MYO5A: variants seen among roughly 807,000 people sequenced by gnomAD.
MYO5A encodes myosin VA.
A neutral mutation model predicts 249.7 loss-of-function variants in MYO5A; 98 were observed. The observed-to-expected ratio is 0.39, with a 90% CI of 0.33 to 0.46. The LOEUF (loss-of-function observed/expected upper bound fraction) is 0.46. MYO5A is among the 20% of genes least tolerant of loss of function. The pLI is 0.98. For synonymous variants in MYO5A, 778 were observed against 810.6 expected (o/e 0.96, Z 0.68); for missense variants, 1,696 against 2,308.8 (o/e 0.73, Z 5.44).
chr15:52,495,752 A>G (rs1393670513), intron 1 of MYO5A, among the ~76,000 whole-genome samples: 3 of 152,212 alleles, frequency 2.0e-5, no homozygotes, highest in Admixed American at 1.3e-4. Flanking sequence ...AGAAGGCATA[A>G]AGTCCTTGCA....
intron 29 of MYO5A, 29 bp from the exon 30 acceptor site, chr15:52,346,490 T>A (rs1394533278): frequency 2.9e-6 from 4 of 1,379,980 alleles, no homozygotes; most frequent in African/African-American, 2.8e-5. Flanking sequence ...ATTTACGCAT[T>A]AAGATTCAAC....
At chr15:52,503,701 CA>C (rs1289633818) in intron 1 of MYO5A, among the ~76,000 whole-genome samples, 1 of 151,934 alleles carries the variant, frequency 6.6e-6, no homozygotes, top group Non-Finnish European at 1.5e-5. Flanking sequence ...AAAACTGAAT[CA>C]AAAAAATTAA....
chr15:52,373,871 T>A (rs538854056), intron 20 of MYO5A, among the ~76,000 whole-genome samples: 1 of 152,294 alleles, frequency 6.6e-6, no homozygotes, highest in Admixed American at 6.5e-5. Context: ...CTGGAGTAGC[T>A]ATCTTCAAAA....
intron 36 of MYO5A, among the ~76,000 whole-genome samples, chr15:52,326,143 G>A (rs2038593387): frequency 6.6e-6 from 1 of 152,206 alleles, no homozygotes; most frequent in Admixed American, 6.5e-5. Context: ...ATTCAAAACT[G>A]GGATGTGAGA....
chr15:52,451,633 G>C (rs142801407), intron 1 of MYO5A, among the ~76,000 whole-genome samples: 1 of 152,118 alleles, frequency 6.6e-6, no homozygotes, highest in Non-Finnish European at 1.5e-5. Context: ...ACCCCACCAA[G>C]GGCCATCTGC....
intron 28 of MYO5A, 139 bp from the exon 29 acceptor site, chr15:52,348,965 TTAACTC>T: frequency 1.2e-6 from 1 of 865,168 alleles, no homozygotes. Context: ...TTCTCTAAAA[TTAACTC>T]TATATATACA....
intron 2 of MYO5A, among the ~76,000 whole-genome samples, chr15:52,431,920 G>C (rs1161988730): frequency 6.6e-6 from 1 of 152,002 alleles, no homozygotes; most frequent in Non-Finnish European, 1.5e-5. Flanking sequence ...TCAAGCCACT[G>C]CACTCTAGCC....
chr15:52,397,418 A>G lies in MYO5A; in HGVS notation c.1102T>C (p.Tyr368His), dbSNP rs2042537404. The change falls in exon 10 of 42, where the codon TAT (tyrosine) becomes CAT (histidine). Residue 368 changes from tyrosine to histidine, a missense_variant. By Grantham distance (83) the Tyr-to-His change is moderately conservative. Coordinates refer to ENST00000399233, the MANE Select transcript of MYO5A (RefSeq NM_001382347.1). ...CIFCELMGVDYEEMCHWLCHR... is the reference protein window; with the variant it reads ...CIFCELMGVDHEEMCHWLCHR... ...CAGAGCCAGTGACACATCTCCTCATAGTCCACACCCATGAGTTCACAGAAG... is the reference window on the plus strand; with the variant it reads ...CAGAGCCAGTGACACATCTCCTCATGGTCCACACCCATGAGTTCACAGAAG... The G allele has an allele frequency of 6.2e-7, 1 of 1,613,912 alleles. No homozygotes were observed. Among genetic ancestry groups the G allele is most frequent in the Non-Finnish European group, 8.5e-7 (1 of 1,179,764 alleles).
At chr15:52,443,303 G>C (rs1196743259) in intron 1 of MYO5A, among the ~76,000 whole-genome samples, 1 of 152,106 alleles carries the variant, frequency 6.6e-6, no homozygotes, top group Admixed American at 6.6e-5. Flanking sequence ...AACAATCTGA[G>C]GATGCTGAAG....
chr15:52,449,427 A>G (rs1627627), intron 1 of MYO5A, among the ~76,000 whole-genome samples: 146,057 of 152,192 alleles, frequency 0.96, 70,367 homozygotes, highest in Non-Finnish European at 1. Context: ...TGGTTTCTCC[A>G]TATCTATCTC....
chr15:52,370,517 C>A, intron 21 of MYO5A, 100 bp from the exon 22 acceptor site: 1 of 1,289,216 alleles, frequency 7.8e-7, no homozygotes, highest in Non-Finnish European at 1.1e-6. Flanking sequence ...GCTATATCAT[C>A]ATAACATTGA....
chr15:52,471,306 T>C (rs924745906), intron 1 of MYO5A, among the ~76,000 whole-genome samples: 1 of 151,926 alleles, frequency 6.6e-6, no homozygotes, highest in Non-Finnish European at 1.5e-5. Flanking sequence ...TTTGTGTGCA[T>C]TAAAAATCAG....
intron 30 of MYO5A, among the ~76,000 whole-genome samples, chr15:52,345,483 G>A (rs1370711912): frequency 2.0e-5 from 3 of 151,854 alleles, no homozygotes; most frequent in Non-Finnish European, 4.4e-5. Context: ...TACTCGAGAG[G>A]CTGAGGCAGG....
intron 6 of MYO5A, 60 bp downstream of exon 6, chr15:52,410,273 T>C (rs1349355179): frequency 5.2e-5 from 80 of 1,535,386 alleles, no homozygotes; most frequent in Non-Finnish European, 7.1e-5. Context: ...CCAGCAAGCA[T>C]GGACTCAACA....
At chr15:52,405,051 TCACACA>T (rs58764245) in intron 9 of MYO5A, among the ~76,000 whole-genome samples, 316 of 140,004 alleles carry the variant, frequency 2.3e-3, no homozygotes, top group Middle Eastern at 3.8e-3. Flanking sequence ...TCTCTCTCTG[TCACACA>T]CACACACACA....
At chr15:52,321,594 A>T in intron 37 of MYO5A, 85 bp from the exon 38 acceptor site, 1 of 1,468,814 alleles carries the variant, frequency 6.8e-7, no homozygotes, top group Non-Finnish European at 9.5e-7. Flanking sequence ...CAGCATCTTC[A>T]TGCTCTTTTC....
At chr15:52,344,675 A>G (rs1158088499) in intron 30 of MYO5A, among the ~76,000 whole-genome samples, 1 of 152,202 alleles carries the variant, frequency 6.6e-6, no homozygotes, top group African/African-American at 2.4e-5. Context: ...AGCCAGGGCT[A>G]GCTTTCCAAA....
intron 9 of MYO5A, among the ~76,000 whole-genome samples, chr15:52,401,163 C>A (rs1483984393): frequency 3.0e-4 from 46 of 151,938 alleles, no homozygotes. Flanking sequence ...CTCCACCACC[C>A]AGGTTCAAGC....
intron 1 of MYO5A, among the ~76,000 whole-genome samples, chr15:52,449,697 G>A (rs1018752508): frequency 3.9e-5 from 6 of 152,086 alleles, no homozygotes; most frequent in African/African-American, 1.4e-4. Context: ...CTCTTTTAAT[G>A]TGGTGTTAAG....
Sources: gnomAD v4.1 joint callset for allele counts (sites outside exome capture counted in the v4.1 genomes callset) on GRCh38, gnomAD v4.1.1 for gene constraint, MANE v1.5 for transcripts, NCBI Gene and HGNC (gene_info 2026-07-23, HGNC 2026-07-21) for gene names.